Variants in RIMKLB observed in about 807,000 individuals in gnomAD.
The protein encoded by RIMKLB is beta-citrylglutamate synthase B.
In RIMKLB, 7 loss-of-function variants were observed where a neutral mutation model predicts 32.0. The observed-to-expected ratio is 0.22, with a 90% CI of 0.12 to 0.41. The LOEUF (loss-of-function observed/expected upper bound fraction) is 0.41. RIMKLB is among the 10% of genes least tolerant of loss of function. The probability of loss-of-function intolerance (pLI) is 1.00; values close to 1 mark genes in which losing one functional copy is unlikely to be tolerated. For synonymous variants in RIMKLB, 172 were observed against 185.1 expected, an observed-to-expected ratio of 0.93 and a Z score of 0.57; for missense variants, 289 against 498.7, an observed-to-expected ratio of 0.58 and a Z score of 4.00.
rs1254396016 is a variant in RIMKLB at position 8,732,784 on chromosome 12, CTCTT to C, written c.176-17076_176-17073del. On this transcript the variant is annotated intron_variant, in intron 2 of 5. Transcript: ENST00000535829. ...ACACACACACACACACACACACACTCTCTTTAATTTTTTTACGCAAAAGAATCAT... is the reference window on the plus strand; with the variant it reads ...ACACACACACACACACACACACACTCTAATTTTTTTACGCAAAAGAATCAT... 1.1e-4 allele frequency among the ~76,000 whole-genome samples: 16 copies of C among 144,900 alleles called. No individual in the cohort carries two copies. In the South Asian group the frequency reaches 2.3e-3, roughly 21 times the overall value.
intron 5 of RIMKLB, among the ~76,000 whole-genome samples, chr12:8,756,513 A>G (rs1025812969): frequency 6.6e-6 from 1 of 152,102 alleles, no homozygotes; most frequent in Non-Finnish European, 1.5e-5. Context: ...ATTTAAATAT[A>G]TGCAAAACTA....
intron 7 of RIMKLB, among the ~76,000 whole-genome samples, chr12:8,782,421 A>G (rs1592068479): frequency 6.6e-6 from 1 of 152,174 alleles, no homozygotes; most frequent in African/African-American, 2.4e-5. Context: ...ACACATATAT[A>G]TATTTAACAT....
At chr12:8,766,500 C>G (rs1949978266) in intron 5 of RIMKLB, among the ~76,000 whole-genome samples, 1 of 152,102 alleles carries the variant, frequency 6.6e-6, no homozygotes, top group Non-Finnish European at 1.5e-5. Context: ...TGTAGGTAAC[C>G]TTTTGAGTCG....
intron 2 of RIMKLB, among the ~76,000 whole-genome samples, chr12:8,736,055 T>A (rs1457883107): frequency 6.6e-6 from 1 of 152,218 alleles, no homozygotes; most frequent in African/African-American, 2.4e-5. Flanking sequence ...ATTGTCTGTA[T>A]TAATCTCTTC....
chr12:8,756,466 G>A (rs1949036043), intron 5 of RIMKLB, among the ~76,000 whole-genome samples: 1 of 152,012 alleles, frequency 6.6e-6, no homozygotes, highest in Non-Finnish European at 1.5e-5. Flanking sequence ...AAAAAGGCAA[G>A]TCAAAGAAGA....
intron 1 of RIMKLB, among the ~76,000 whole-genome samples, chr12:8,682,917 T>C (rs1052731302): frequency 1.3e-5 from 2 of 151,492 alleles, no homozygotes; most frequent in African/African-American, 4.8e-5. Flanking sequence ...ATTATAGGCG[T>C]GAGCTACCGC....
intron 1 of RIMKLB, among the ~76,000 whole-genome samples, chr12:8,713,047 AAAAG>A (rs1264018867): frequency 5.9e-5 from 9 of 152,190 alleles, no homozygotes; most frequent in African/African-American, 2.2e-4. Context: ...CATCTGGAAA[AAAAG>A]TCCTTTTTTG....
chr12:8,718,545 A>G (rs1255904170), intron 2 of RIMKLB, among the ~76,000 whole-genome samples: 1 of 152,162 alleles, frequency 6.6e-6, no homozygotes, highest in Non-Finnish European at 1.5e-5. Flanking sequence ...CAGGAGGCTG[A>G]GTCAGGAGAA....
intron 5 of RIMKLB, among the ~76,000 whole-genome samples, chr12:8,760,579 A>G (rs1043233872): frequency 3.9e-5 from 6 of 152,128 alleles, no homozygotes; most frequent in Non-Finnish European, 8.8e-5. Context: ...AAGCATTCCT[A>G]TTTCTCCACG....
chr12:8,757,842 A>C (rs989337649), intron 5 of RIMKLB, among the ~76,000 whole-genome samples: 2 of 152,156 alleles, frequency 1.3e-5, no homozygotes, highest in Non-Finnish European at 2.9e-5. Context: ...CTCCAAAGTG[A>C]GCATACTACC....
In RIMKLB at chr12:8,776,033, A is replaced by G. The variant is rs770390028; in HGVS notation, c.*2249A>G. The stretch of plus-strand genomic sequence containing the variant: ...GAACTGCTTAATTAAATTATCATTC[A>G]TATGTTCATATAGAGACCATCTGGT... On this transcript the variant is annotated 3_prime_UTR_variant, in exon 6 of 6. Coordinates refer to ENST00000535829, the MANE Select transcript of RIMKLB (RefSeq NM_001297776.2). 138 of 984,018 alleles carry G rather than the reference A, an allele frequency of 1.4e-4. No individual in the cohort carries two copies. The highest frequency in any genetic ancestry group is 1.6e-4 in the Non-Finnish European group (133 of 828,748). The allele number at this position is 984,018 out of a possible 1,614,324, so 61.0% of individuals were successfully genotyped here. A position where few individuals can be genotyped will look rare whatever the true frequency, so the allele number is the denominator to read the frequency against.
chr12:8,742,584 T>C, intron 2 of RIMKLB: 1 of 332,764 alleles, frequency 3.0e-6, no homozygotes, highest in Non-Finnish European at 5.8e-6. Flanking sequence ...ATCATCAATT[T>C]GAAGAGGACC....
Position 8,767,723 on chromosome 12 carries a change from C to A in RIMKLB, c.698-5598C>A, listed in dbSNP as rs145160884. Among the ~76,000 whole-genome samples the A allele has an allele frequency of 9.2e-5, 14 of 152,298 alleles. 1 individual carries two copies. Among genetic ancestry groups the A allele is most frequent in the African/African-American group, 3.4e-4 (14 of 41,562 alleles). On this transcript the variant is annotated intron_variant, in intron 5 of 5. Coordinates refer to ENST00000535829, the MANE Select transcript of RIMKLB (RefSeq NM_001297776.2). ...TCAGCTATCCCAGGAAAATTGAAAG[C>A]GGAAGCTGGTTCCAGGCAGACCAAC...
chr12:8,693,932 T>G (rs1942807034), upstream of RIMKLB, among the ~76,000 whole-genome samples: 1 of 152,084 alleles, frequency 6.6e-6, no homozygotes, highest in African/African-American at 2.4e-5. Flanking sequence ...TCCTGTTGAT[T>G]CTATTTATTT....
chr12:8,749,805 T>A lies in RIMKLB; in HGVS notation c.176-57T>A, dbSNP rs144339374. 5.6e-5 allele frequency: 63 copies of A among 1,119,378 alleles called. No individual in the cohort carries two copies. In the African/African-American group the frequency reaches 8.9e-4, roughly 16 times the overall value. The allele number at this position is 1,119,378 out of a possible 1,614,324, so 69.3% of individuals were successfully genotyped here. ...CCAAACTTTGGCGTATTACTATTCC[T>A]CTATTTTGTTGTATATTTCCCTCTA... is the stretch of plus-strand genomic sequence containing the variant. On this transcript the variant is annotated intron_variant, in intron 2 of 5. Transcript: ENST00000535829.
chr12:8,736,200 C>T (rs897511323), intron 2 of RIMKLB, among the ~76,000 whole-genome samples: 2 of 152,162 alleles, frequency 1.3e-5, no homozygotes, highest in Non-Finnish European at 1.5e-5. Flanking sequence ...TAGAAAGCTA[C>T]AAGTTTGGTG....
At chr12:8,736,302 G>A (rs1461281467) in intron 2 of RIMKLB, among the ~76,000 whole-genome samples, 3 of 152,136 alleles carry the variant, frequency 2.0e-5, no homozygotes, top group Non-Finnish European at 4.4e-5. Flanking sequence ...AAGTCTACTA[G>A]CTTTGTCTTT....
intron 1 of RIMKLB, among the ~76,000 whole-genome samples, chr12:8,682,689 G>A (rs7978108): frequency 6.6e-6 from 1 of 151,436 alleles, no homozygotes; most frequent in Non-Finnish European, 1.5e-5. Flanking sequence ...GGAGAACGGC[G>A]TGAACCCGGG....
chr12:8,742,802 G>C (rs900823207), intron 2 of RIMKLB: 1 of 219,164 alleles, frequency 4.6e-6, no homozygotes, highest in East Asian at 1.2e-4. Context: ...CCTTCTGATG[G>C]TTATTGATCC....
Sources: gnomAD v4.1 joint callset for allele counts (sites outside exome capture counted in the v4.1 genomes callset) on GRCh38, gnomAD v4.1.1 for gene constraint, MANE v1.5 for transcripts, NCBI Gene and HGNC (gene_info 2026-07-23, HGNC 2026-07-21) for gene names.